ADAMTS6: variants seen among roughly 807,000 people sequenced by gnomAD.
ADAMTS6 encodes the protein A disintegrin and metalloproteinase with thrombospondin motifs 6.
ADAMTS6 carries 23 observed loss-of-function variants against 144.3 expected under a neutral mutation model. That is an observed-to-expected ratio of 0.16 (90% CI 0.11 to 0.23). The LOEUF is 0.23. ADAMTS6 is among the 10% of genes least tolerant of loss of function. The pLI is 1.00. For missense variants in ADAMTS6, 999 were observed against 1,379.6 expected, an observed-to-expected ratio of 0.72 and a Z score of 4.37; for synonymous variants, 444 against 457.5, an observed-to-expected ratio of 0.97 and a Z score of 0.38.
chr5:65,170,802 T>C, intron 23 of ADAMTS6, 29 bp from the exon 24 acceptor site: 1 of 1,594,164 alleles, frequency 6.3e-7, no homozygotes, highest in Non-Finnish European at 8.6e-7. Context: ...AGAAACAAAA[T>C]ATTAATCTCA....
chr5:65,175,350 CAAAGAGAGAAAG>C (rs1753906364), intron 22 of ADAMTS6, among the ~76,000 whole-genome samples: 1 of 144,886 alleles, frequency 6.9e-6, no homozygotes, highest in East Asian at 2.0e-4. Context: ...GACAGAAAGT[CAAAGAGAGAAAG>C]AAAGAGAGAA....
chr5:65,218,708 T>C (rs1461727051), intron 18 of ADAMTS6, among the ~76,000 whole-genome samples: 1 of 152,118 alleles, frequency 6.6e-6, no homozygotes, highest in Non-Finnish European at 1.5e-5. Flanking sequence ...TGTGGGTAAA[T>C]ACAAAATAAT....
At chr5:65,302,687 G>T (rs1000016559) in intron 9 of ADAMTS6, among the ~76,000 whole-genome samples, 2 of 152,074 alleles carry the variant, frequency 1.3e-5, no homozygotes, top group African/African-American at 2.4e-5. Context: ...TTCACATAAA[G>T]ACCTCAGTAG....
intron 24 of ADAMTS6, 71 bp downstream of exon 24, chr5:65,170,546 C>A (rs1753551640): frequency 6.5e-7 from 1 of 1,548,264 alleles, no homozygotes; most frequent in Non-Finnish European, 8.8e-7. Flanking sequence ...GTTTACTGTG[C>A]TCTTCAGACC....
rs144026339 is a variant in ADAMTS6, at chr5:65,218,515, C to G, written c.2273-3028G>C. Among the ~76,000 whole-genome samples the G allele has an allele frequency of 1.6e-4, 24 of 152,040 alleles. No homozygotes were observed. The East Asian group carries it at 4.6e-3, about 29-fold the overall frequency. On this transcript the variant is annotated intron_variant, in intron 18 of 24. Coordinates refer to ENST00000381055, the MANE Select transcript of ADAMTS6 (RefSeq NM_197941.4). ...GCCAAAGAAACAGACCCAGAAATAA[C>G]AAAAATTATGGAATTAGCAGAAAAT...
chr5:65,167,443 C>G (rs1753252237), intron 24 of ADAMTS6, among the ~76,000 whole-genome samples: 1 of 152,178 alleles, frequency 6.6e-6, no homozygotes, highest in Non-Finnish European at 1.5e-5. Flanking sequence ...CAGCCGAATT[C>G]TACCAGAGGT....
intron 7 of ADAMTS6, among the ~76,000 whole-genome samples, chr5:65,431,816 T>C (rs971215573): frequency 6.6e-6 from 1 of 152,082 alleles, no homozygotes; most frequent in Non-Finnish European, 1.5e-5. Context: ...GAGATGTCAA[T>C]TAAGCAAACG....
rs1324737711 is a variant in ADAMTS6 at position 65,225,050 on chromosome 5, GA to G, written c.2068-4del. 6.2e-7 allele frequency: 1 copy of G among 1,612,776 alleles called. No individual in the cohort carries two copies. On this transcript the variant is annotated splice_region_variant and splice_polypyrimidine_tract_variant and intron_variant, in intron 16 of 24. Coordinates refer to ENST00000381055, the MANE Select transcript of ADAMTS6 (RefSeq NM_197941.4). ...AAAATATTATCACAGCCTACGTGCT[GA>G]AAACAGAGAGGAATATTCAGTGTGT... is the stretch of plus-strand genomic sequence containing the variant.
At chr5:65,213,589 C>T (rs968272199) in intron 20 of ADAMTS6, among the ~76,000 whole-genome samples, 3 of 151,190 alleles carry the variant, frequency 2.0e-5, no homozygotes, top group East Asian at 1.9e-4. Flanking sequence ...GAGCCATGAT[C>T]GTGTCACTGC....
intron 9 of ADAMTS6, 94 bp downstream of exon 9, chr5:65,329,284 A>C: frequency 7.3e-6 from 8 of 1,100,648 alleles, no homozygotes; most frequent in Non-Finnish European, 1.1e-5. Flanking sequence ...AAAGGTAGTA[A>C]AATAAGGTTC....
rs151331258 is a variant in ADAMTS6, at chr5:65,173,942, G to T, written c.2911-934C>A. On this transcript the variant is annotated intron_variant, in intron 22 of 24. Coordinates refer to ENST00000381055, the MANE Select transcript of ADAMTS6 (RefSeq NM_197941.4). ...GGAGGCTGAGGCAGGAGAAGTGCTT[G>T]AACCAGGAGGCGGAGGTTGCAGTGA... 1.2e-3 allele frequency among the ~76,000 whole-genome samples: 186 copies of T among 151,228 alleles called. 1 individual carries two copies. Among genetic ancestry groups the T allele is most frequent in the Non-Finnish European group, 2.1e-3 (141 of 67,910 alleles).
chr5:65,325,475 T>C (rs1055132006), intron 9 of ADAMTS6, among the ~76,000 whole-genome samples: 8 of 151,704 alleles, frequency 5.3e-5, no homozygotes, highest in African/African-American at 9.7e-5. Context: ...AATATATCCC[T>C]ATAGCTTTCA....
rs552784079 is a variant in ADAMTS6, at chr5:65,265,585, T to C, written c.1621-2623A>G. Among the ~76,000 whole-genome samples, 28 of 152,110 alleles carry C rather than the reference T, an allele frequency of 1.8e-4. 1 individual carries two copies. The South Asian group carries it at 5.2e-3, about 28-fold the overall frequency. ...GCCAGCAATTAACTGCTTTTTTTTT[T>C]CCCTGTCTGCAATTAATGAGAACTG... On this transcript the variant is annotated intron_variant, in intron 12 of 24. Transcript: ENST00000381055.
At chr5:65,411,077 A>T (rs1485199480) in intron 7 of ADAMTS6, among the ~76,000 whole-genome samples, 1 of 152,092 alleles carries the variant, frequency 6.6e-6, no homozygotes, top group South Asian at 2.1e-4. Flanking sequence ...GGCTCAAGTG[A>T]TCCTCCCACC....
At chr5:65,392,245 ATAG>A (rs58188637) in intron 7 of ADAMTS6, among the ~76,000 whole-genome samples, 46,212 of 151,776 alleles carry the variant, frequency 0.3, 7,373 homozygotes, top group South Asian at 0.39. Flanking sequence ...CACTACATAA[ATAG>A]TAGACTTTTT....
Position 65,467,626 on chromosome 5 carries a change from C to T in ADAMTS6, c.462+3152G>A, listed in dbSNP as rs1233046191. Among the ~76,000 whole-genome samples, 3 of 152,086 alleles carry T rather than the reference C, an allele frequency of 2.0e-5. No individual in the cohort carries two copies. The East Asian group carries it at 5.8e-4, about 29-fold the overall frequency. ...TATTCCCTTTCCCAGTACCACCATC[C>T]ATCATTCTTAAGGAAGATGATTTTT... On this transcript the variant is annotated intron_variant, in intron 3 of 24. Coordinates refer to ENST00000381055, the MANE Select transcript of ADAMTS6 (RefSeq NM_197941.4).
chr5:65,347,485 T>C (rs988243024), intron 7 of ADAMTS6, among the ~76,000 whole-genome samples: 3 of 151,836 alleles, frequency 2.0e-5, no homozygotes, highest in African/African-American at 7.3e-5. Flanking sequence ...ACTCACACCG[T>C]ATACAAAAAT....
chr5:65,254,815 T>A (rs1274372764), intron 14 of ADAMTS6, among the ~76,000 whole-genome samples: 1 of 152,174 alleles, frequency 6.6e-6, no homozygotes, highest in Non-Finnish European at 1.5e-5. Flanking sequence ...TTTTCTAGAT[T>A]TATGTTGAAA....
intron 16 of ADAMTS6, 90 bp downstream of exon 16, chr5:65,225,996 A>T (rs951950493): frequency 1.5e-5 from 20 of 1,345,010 alleles, no homozygotes; most frequent in African/African-American, 7.5e-5. Flanking sequence ...CCCTTTTTTT[A>T]AAAAATTAAA....
Sources: gnomAD v4.1 joint callset for allele counts (sites outside exome capture counted in the v4.1 genomes callset) on GRCh38, gnomAD v4.1.1 for gene constraint, MANE v1.5 for transcripts, NCBI Gene and HGNC (gene_info 2026-07-23, HGNC 2026-07-21) for gene names.